The following BRPF1 variants were observed in gnomAD, a reference collection of about 807,000 sequenced individuals.
BRPF1 encodes bromodomain and PHD finger containing 1, also known as peregrin.
Under a neutral mutation model 115.0 loss-of-function variants are expected in BRPF1, and 15 were observed. That is an observed-to-expected ratio of 0.13 (90% CI 0.09 to 0.20). The LOEUF (loss-of-function observed/expected upper bound fraction) is 0.20, where lower values mean the gene tolerates loss of function less well. BRPF1 is among the 10% of genes least tolerant of loss of function. BRPF1 has a pLI of 1.00. For missense variants in BRPF1, 1,118 were observed against 1,638.3 expected, an observed-to-expected ratio of 0.68 and a Z score of 5.48; for synonymous variants, 647 against 619.8, an observed-to-expected ratio of 1.04 and a Z score of -0.65.
At chr3:9,736,298 G>A (rs1030893361) in intron 2 of BRPF1, among the ~76,000 whole-genome samples, 3 of 152,106 alleles carry the variant, frequency 2.0e-5, no homozygotes, top group Non-Finnish European at 2.9e-5. Context: ...GAGCCACCGC[G>A]CCCGGCCTAA....
chr3:9,747,184 C>G lies in BRPF1; in HGVS notation c.3498C>G (p.Thr1166=). The G allele has an allele frequency of 6.2e-7, 1 of 1,614,128 alleles. No homozygotes were observed. The highest frequency in any genetic ancestry group is 1.1e-5 in the South Asian group (1 of 91,078). Residue 1166 remains threonine, a synonymous_variant, in exon 14 of 14, where the codon ACC becomes ACG. Coordinates refer to ENST00000383829, the MANE Select transcript of BRPF1 (RefSeq NM_001003694.2). This position sits in a 1 kb window ranked among gnomAD's most constrained non-coding sequence, Gnocchi z 5.6. ...CCTATAGGCAGTGGCTGCCCAGGACCAAGCTGGTTCCTCTGGGTGTGAACC... is the reference window on the plus strand; with the variant it reads ...CCTATAGGCAGTGGCTGCCCAGGACGAAGCTGGTTCCTCTGGGTGTGAACC... ...NKRTWQWLPR[T]KLVPLGVNQD... is the part of the protein sequence containing the mutation.
chr3:9,745,857 A>G lies in BRPF1; in HGVS notation c.3251A>G (p.Asp1084Gly), dbSNP rs2077116752. The change falls in exon 12 of 14, where the codon GAT (aspartate) becomes GGT (glycine). Residue 1084 changes from aspartate to glycine, a missense_variant. By Grantham distance (94) the Asp-to-Gly change is moderately conservative (BLOSUM62 -1). Transcript: ENST00000383829. This position sits in a 1 kb window ranked among gnomAD's most constrained non-coding sequence, Gnocchi z 5.1. ...CGGGGAGCTGGCTGGCTGTCAGAGGATGAGGACTCCCCGCTGGATGCTCTG... is the reference window on the plus strand; with the variant it reads ...CGGGGAGCTGGCTGGCTGTCAGAGGGTGAGGACTCCCCGCTGGATGCTCTG... Reference protein sequence around the residue: ...LGRGAGWLSEDEDSPLDALDL... With the variant: ...LGRGAGWLSEGEDSPLDALDL... 1 of 1,614,010 alleles carries G rather than the reference A, an allele frequency of 6.2e-7. No homozygotes were observed. Among genetic ancestry groups the G allele is most frequent in the Admixed American group, 1.7e-5 (1 of 59,994 alleles).
Position 9,734,459 on chromosome 3 carries a change from G to A in BRPF1, c.319G>A (p.Val107Ile), listed in dbSNP as rs1167611082. The A allele has an allele frequency of 1.4e-5, 23 of 1,614,006 alleles. No homozygotes were observed. Among genetic ancestry groups the A allele is most frequent in the Admixed American group, 5.0e-5 (3 of 59,990 alleles). Residue 107 changes from valine to isoleucine, a missense_variant, in exon 2 of 14, where the codon GTC becomes ATC. Val to Ile is a conservative substitution (Grantham distance 29, BLOSUM62 3). This residue lies in a region of BRPF1 where 280 missense variants were observed against 382.8 expected (regional missense o/e 0.73). Transcript: ENST00000383829. The surrounding 1 kb of genome is among the most constrained non-coding windows in gnomAD (Gnocchi z 5.7). ...RMVEVDLHGRVHRISIFDNLD... is the reference protein window; with the variant it reads ...RMVEVDLHGRIHRISIFDNLD... Reference sequence around the variant, plus strand: ...GGTGGAGGTGGACTTGCATGGCCGCGTCCACCGCATCAGCATCTTTGACAA... The same window carrying A: ...GGTGGAGGTGGACTTGCATGGCCGCATCCACCGCATCAGCATCTTTGACAA...
Position 9,744,369 on chromosome 3 carries a change from C to T in BRPF1, c.2781C>T (p.Pro927=). Residue 927 remains proline, a synonymous_variant, in exon 9 of 14, where the codon CCC becomes CCT. Coordinates refer to ENST00000383829, the MANE Select transcript of BRPF1 (RefSeq NM_001003694.2). The part of the protein sequence containing the change: ...PPKNRESQMT[P]SHGGSPVGPP... ...AAAACCGGGAGAGCCAGATGACCCC[C>T]AGCCACGGAGGCAGTCCTGTGGGGC... 6.2e-7 allele frequency: 1 copy of T among 1,613,496 alleles called. No homozygotes were observed. The highest frequency in any genetic ancestry group is 1.1e-5 in the South Asian group (1 of 90,974).
At chr3:9,740,971 G>C (rs202091926) in intron 4 of BRPF1, 30 bp downstream of exon 4, 1 of 1,596,480 alleles carries the variant, frequency 6.3e-7, no homozygotes, top group Admixed American at 1.7e-5. Flanking sequence ...GTGGGCTCTG[G>C]GAACTAGCGC....
intron 3 of BRPF1, 115 bp downstream of exon 3, chr3:9,740,073 G>A: frequency 1.4e-6 from 2 of 1,417,146 alleles, no homozygotes; most frequent in Non-Finnish European, 9.2e-7. Flanking sequence ...GAGCTGCATA[G>A]AAGTTAAAAA....
At position 9,734,806 on chromosome 3, in the gene BRPF1, T is replaced by G; in HGVS notation, c.599+67T>G. 6.4e-7 allele frequency: 1 copy of G among 1,559,184 alleles called. No homozygotes were observed. Among genetic ancestry groups the G allele is most frequent in the South Asian group, 1.2e-5 (1 of 86,802 alleles). On this transcript the variant is annotated intron_variant, in intron 2 of 13. Coordinates refer to ENST00000383829, the MANE Select transcript of BRPF1 (RefSeq NM_001003694.2). The surrounding 1 kb of genome is among the most constrained non-coding windows in gnomAD (Gnocchi z 5.7). ...GCAGGGCTCACTAGCCAGAGAGAGG[T>G]GAGAGGCACAGATAGAAGAGTGACA...
rs538097703 is a variant in BRPF1, at chr3:9,739,131, C to T, written c.732C>T (p.Ile244=). 4.3e-6 allele frequency: 7 copies of T among 1,614,042 alleles called. No homozygotes were observed. The African/African-American group carries it at 5.3e-5, about 12-fold the overall frequency. The change falls in exon 3 of 14, where the codon ATC becomes ATT. Residue 244 remains isoleucine (I), a synonymous_variant. Coordinates refer to ENST00000383829, the MANE Select transcript of BRPF1 (RefSeq NM_001003694.2). ...GTGTAAGTCCCATCCCGCAGGAGAT[C>T]TTTGAGTACCTAATGGACCGACTGG... is the stretch of plus-strand genomic sequence containing the variant. ...TEGVSPIPQE[I]FEYLMDRLEK... is the part of the protein sequence containing the mutation.
intron 9 of BRPF1, among the ~76,000 whole-genome samples, chr3:9,744,749 C>T (rs1459612758): frequency 6.6e-6 from 1 of 152,228 alleles, no homozygotes; most frequent in Non-Finnish European, 1.5e-5. Flanking sequence ...CTTTTCTCTT[C>T]TCACCTTCCT....
rs762856879 is a variant in BRPF1 at position 9,746,425 on chromosome 3, C to T, written c.3450C>T (p.Leu1150=). 2.0e-5 allele frequency: 32 copies of T among 1,596,078 alleles called. No homozygotes were observed. The highest frequency in any genetic ancestry group is 1.3e-4 in the South Asian group (12 of 89,440). ...AGGAAGCCCGAGAGCATCTCTACCT[C>T]GTCCTCTTCTTTGACAACAAACGAA... The part of the protein sequence containing the change: ...MTQEAREHLY[L]VLFFDNKRTW... The change falls in exon 13 of 14, where the codon CTC becomes CTT. Residue 1150 remains leucine, a synonymous_variant. Transcript: ENST00000383829.
At chr3:9,741,550 T>C (rs2077030434) in intron 5 of BRPF1, 111 bp downstream of exon 5, 1 of 1,146,908 alleles carries the variant, frequency 8.7e-7, no homozygotes. Context: ...GGCAGGAGAA[T>C]GGCGTGAACC....
chr3:9,745,784 C>T lies in BRPF1; in HGVS notation c.3206-28C>T, dbSNP rs780232025. ...TCTCGCCAGCCCCCCAGCTGCTGAT[C>T]CACCCCCTCTCCCCCATTCCTGTGA... On this transcript the variant is annotated intron_variant, in intron 11 of 13. Transcript: ENST00000383829. This position sits in a 1 kb window ranked among gnomAD's most constrained non-coding sequence, Gnocchi z 5.1. 1.6e-5 allele frequency: 25 copies of T among 1,611,064 alleles called. No homozygotes were observed. Among genetic ancestry groups the T allele is most frequent in the Non-Finnish European group, 2.1e-5 (25 of 1,177,654 alleles).
chr3:9,734,071 CT>C lies in BRPF1; in HGVS notation c.-10-59del. 6.6e-7 allele frequency: 1 copy of C among 1,520,758 alleles called. No individual in the cohort carries two copies. The highest frequency in any genetic ancestry group is 1.3e-5 in the South Asian group (1 of 75,832). 94.2% of individuals were successfully genotyped at this position (1,520,758 alleles called of 1,614,324 possible). ...GGGAGGGCTAGAAAGACTGGGGTCT[CT>C]GGTGCAAATGGCCAGGAACTCATCC... On this transcript the variant is annotated intron_variant, in intron 1 of 13. Coordinates refer to ENST00000383829, the MANE Select transcript of BRPF1 (RefSeq NM_001003694.2). This position sits in a 1 kb window ranked among gnomAD's most constrained non-coding sequence, Gnocchi z 5.7.
rs1238424249 is a variant in BRPF1, at chr3:9,734,195, C to T, written c.55C>T (p.Pro19Ser). 3 of 1,613,274 alleles carry T rather than the reference C, an allele frequency of 1.9e-6. No individual in the cohort carries two copies. The highest frequency in any genetic ancestry group is 1.7e-6 in the Non-Finnish European group (2 of 1,179,550). ...CTGCCACAACTTGCGGGCGACTAAG[C>T]CACCATACGAGTGCCCGGTGGAGAC... ...TFCHNLRATK[P>S]PYECPVETCR... is the part of the protein sequence containing the mutation. Residue 19 changes from proline to serine, a missense_variant, in exon 2 of 14, where the codon CCA becomes TCA. Pro to Ser is a moderately conservative substitution (Grantham distance 74). Transcript: ENST00000383829. This position sits in a 1 kb window ranked among gnomAD's most constrained non-coding sequence, Gnocchi z 5.7.
Position 9,745,443 on chromosome 3 carries a change from G to C in BRPF1, c.3069-130G>C. ...CTAGCCCCTGTGGGTGTTTGAATTT[G>C]AAATTCCTCATATAGCCTCTGCTTT... On this transcript the variant is annotated intron_variant, in intron 10 of 13. Transcript: ENST00000383829. The surrounding 1 kb of genome is among the most constrained non-coding windows in gnomAD (Gnocchi z 5.1). The C allele has an allele frequency of 8.4e-7, 1 of 1,186,832 alleles. No homozygotes were observed. The highest frequency in any genetic ancestry group is 1.2e-6 in the Non-Finnish European group (1 of 830,762). The allele number at this position is 1,186,832 out of a possible 1,614,324, so 73.5% of individuals were successfully genotyped here.
Position 9,739,216 on chromosome 3 carries a change from G to A in BRPF1, c.817G>A (p.Asp273Asn). The A allele has an allele frequency of 6.2e-7, 1 of 1,613,684 alleles. No homozygotes were observed. The highest frequency in any genetic ancestry group is 8.5e-7 in the Non-Finnish European group (1 of 1,179,666). The part of the protein sequence containing the change: ...KGDPNALVDE[D>N]AVCCICNDGE... ...CGACCCTAATGCGCTAGTGGACGAGGATGCTGTTTGCTGTATCTGCAATGA... is the reference window on the plus strand; with the variant it reads ...CGACCCTAATGCGCTAGTGGACGAGAATGCTGTTTGCTGTATCTGCAATGA... Residue 273 changes from aspartate (D) to asparagine (N), a missense_variant, in exon 3 of 14, where the codon GAT (aspartate) becomes AAT (asparagine). Physicochemically the swap from Asp to Asn is conservative, Grantham distance 23. Transcript: ENST00000383829.
In BRPF1 at chr3:9,735,225, C is replaced by T. The variant is rs140298601; in HGVS notation, c.599+486C>T. On this transcript the variant is annotated intron_variant, in intron 2 of 13. Transcript: ENST00000383829. ...ATGGGGTTTCACCATGTTGCCTAGG[C>T]TAGTCTTGAATTCCTGGACTCAAGT... 1.5e-3 allele frequency among the ~76,000 whole-genome samples: 226 copies of T among 152,166 alleles called. 1 individual carries two copies. The highest frequency in any genetic ancestry group is 5.3e-3 in the African/African-American group (218 of 41,514).
chr3:9,742,275 G>A, intron 6 of BRPF1, 104 bp downstream of exon 6: 1 of 1,538,970 alleles, frequency 6.5e-7, no homozygotes, highest in Non-Finnish European at 8.7e-7. Context: ...GAAGAGAGGG[G>A]CTGGTGGCTC....
rs2076934373 is a variant in BRPF1 at position 9,736,021 on chromosome 3, T to TC, written c.599+1282_599+1283insC. On this transcript the variant is annotated intron_variant, in intron 2 of 13. Transcript: ENST00000383829. ...AAACCTCCATTTTTTTTTTTTTTTT[T>TC]TTTTTTTTGAGACGGAGTCTCGCTC... 5.2e-5 allele frequency among the ~76,000 whole-genome samples: 3 copies of TC among 57,884 alleles called. No homozygotes were observed. The South Asian group carries it at 2.3e-3, about 45-fold the overall frequency. 38.0% of individuals were successfully genotyped at this position (57,884 alleles called of 152,430 possible).
Sources: allele counts gnomAD v4.1 joint callset (sites outside exome capture counted in the v4.1 genomes callset), GRCh38; gene constraint gnomAD v4.1.1; regional missense constraint gnomAD v4.1.1; non-coding constraint Gnocchi (gnomAD v3.1); transcripts MANE v1.5; gene names NCBI Gene and HGNC (gene_info 2026-07-23, HGNC 2026-07-21).